Variants in ORC2 observed in about 807,000 individuals in gnomAD.
ORC2 encodes origin recognition complex protein 2 homolog.
Under a neutral mutation model 77.7 loss-of-function variants are expected in ORC2, and 37 were observed. The observed-to-expected ratio is 0.48, with a 90% CI of 0.37 to 0.63. The LOEUF (loss-of-function observed/expected upper bound fraction) is 0.63, where lower values mean the gene tolerates loss of function less well. ORC2 is among the 20% of genes least tolerant of loss of function. ORC2 has a pLI of 0.00. For missense variants in ORC2, 557 were observed against 661.9 expected, an observed-to-expected ratio of 0.84 and a Z score of 1.74; for synonymous variants, 201 against 229.5, an observed-to-expected ratio of 0.88 and a Z score of 1.12.
intron 5 of ORC2, among the ~76,000 whole-genome samples, chr2:200,943,816 T>TA (rs2041198794): frequency 6.6e-6 from 1 of 150,828 alleles, no homozygotes. Context: ...TTTTTTTTTT[T>TA]AATCTTCCCT....
rs559567042 is a variant in ORC2, at chr2:200,920,284, C to A, written c.1404G>T (p.Gln468His). 1.9e-6 allele frequency: 3 copies of A among 1,613,938 alleles called. No homozygotes were observed. The highest frequency in any genetic ancestry group is 3.3e-5 in the Admixed American group (2 of 60,020). The change falls in exon 15 of 18, where the codon CAG becomes CAT. Residue 468 changes from glutamine to histidine, a missense_variant. By Grantham distance (24) the Gln-to-His change is conservative (BLOSUM62 0). Coordinates refer to ENST00000234296, the MANE Select transcript of ORC2 (RefSeq NM_006190.5). The stretch of plus-strand genomic sequence containing the variant: ...GGGAGCTAAGTGGCAGGGATCCAGA[C>A]TGCTTTACCAGAAGAGAGTTCTCAT... ...TSYENSLLVKQSGSLPLSSLT... is the reference protein window; with the variant it reads ...TSYENSLLVKHSGSLPLSSLT...
At chr2:200,914,072 G>T in intron 15 of ORC2, 80 bp from the exon 16 acceptor site, 1 of 851,270 alleles carries the variant, frequency 1.2e-6, no homozygotes, top group Non-Finnish European at 1.8e-6. Context: ...AATACACAAA[G>T]AAAATGTCAA....
chr2:200,913,500 A>C, intron 16 of ORC2, 87 bp from the exon 17 acceptor site: 18 of 1,442,150 alleles, frequency 1.2e-5, no homozygotes, highest in Non-Finnish European at 1.6e-5. Context: ...ACAGAATAAA[A>C]GTGCTATTTG....
In ORC2 at chr2:200,951,209, T is replaced by A. The variant is rs533459202; in HGVS notation, c.239-1566A>T. Among the ~76,000 whole-genome samples the A allele has an allele frequency of 3.3e-5, 5 of 152,332 alleles. No individual in the cohort carries two copies. The South Asian group carries it at 1.0e-3, about 32-fold the overall frequency. Reference sequence around the variant, plus strand: ...TGTTCATGGCTTGATAGCTCTTTTTTATTTAAGTGCTGAATACTCCATGGT... The same window carrying A: ...TGTTCATGGCTTGATAGCTCTTTTTAATTTAAGTGCTGAATACTCCATGGT... On this transcript the variant is annotated intron_variant, in intron 4 of 17. Coordinates refer to ENST00000234296, the MANE Select transcript of ORC2 (RefSeq NM_006190.5).
intron 15 of ORC2, among the ~76,000 whole-genome samples, chr2:200,918,169 G>A (rs535727301): frequency 3.9e-5 from 6 of 152,140 alleles, no homozygotes; most frequent in Admixed American, 1.3e-4. Flanking sequence ...AATATATATC[G>A]TCACACTACT....
rs543998897 is a variant in ORC2 at position 200,909,944 on chromosome 2, G to A, written c.*1357C>T. On this transcript the variant is annotated 3_prime_UTR_variant, in exon 18 of 18. Coordinates refer to ENST00000234296, the MANE Select transcript of ORC2 (RefSeq NM_006190.5). ...GCCCGGATGATTTTTTAAATTTTTT[G>A]TAGAGACAAGGTCTCACTATGTTGC... 6.6e-6 allele frequency: 1 copy of A among 152,042 alleles called. No individual in the cohort carries two copies. The highest frequency in any genetic ancestry group is 2.1e-4 in the South Asian group (1 of 4,820). The allele number at this position is 152,042 out of a possible 1,614,324, so 9.4% of individuals were successfully genotyped here.
At chr2:200,953,415 T>G (rs1423917114) in intron 4 of ORC2, among the ~76,000 whole-genome samples, 2 of 138,518 alleles carry the variant, frequency 1.4e-5, no homozygotes, top group East Asian at 1.9e-4. Context: ...GCTACTGTTT[T>G]TTTTTTTTTT....
intron 15 of ORC2, among the ~76,000 whole-genome samples, chr2:200,914,867 T>C (rs182512572): frequency 6.6e-6 from 1 of 152,098 alleles, no homozygotes; most frequent in Admixed American, 6.6e-5. Context: ...ACACTTGGTG[T>C]TGAGATCATA....
intron 15 of ORC2, 67 bp from the exon 16 acceptor site, chr2:200,914,059 T>TA: frequency 1.0e-6 from 1 of 959,498 alleles, no homozygotes; most frequent in Non-Finnish European, 1.6e-6. Context: ...CAACTAATAG[T>TA]AAAATACACA....
At chr2:200,947,772 G>C (rs2041276495) in intron 5 of ORC2, among the ~76,000 whole-genome samples, 1 of 152,062 alleles carries the variant, frequency 6.6e-6, no homozygotes. Flanking sequence ...GTTTCACTCT[G>C]TCACCCAGGC....
At chr2:200,913,021 G>GA (rs1423560496) in intron 17 of ORC2, among the ~76,000 whole-genome samples, 4 of 152,076 alleles carry the variant, frequency 2.6e-5, no homozygotes, top group South Asian at 2.1e-4. Flanking sequence ...GAGCAAGAGG[G>GA]AAAAAACAAA....
chr2:200,946,997 G>C (rs181264754), intron 5 of ORC2, among the ~76,000 whole-genome samples: 15 of 151,958 alleles, frequency 9.9e-5, no homozygotes, highest in Middle Eastern at 3.4e-3. Context: ...CCACGTTCTG[G>C]GTTCAAGTGA....
chr2:200,919,654 C>T (rs1018889694), intron 15 of ORC2, among the ~76,000 whole-genome samples: 2 of 152,198 alleles, frequency 1.3e-5, no homozygotes, highest in Admixed American at 1.3e-4. Flanking sequence ...CCACTGCGTC[C>T]GGCTAATTAT....
chr2:200,922,966 G>T (rs917421823), intron 13 of ORC2, among the ~76,000 whole-genome samples: 3 of 152,008 alleles, frequency 2.0e-5, no homozygotes, highest in Non-Finnish European at 4.4e-5. Context: ...AAATAATAAG[G>T]TTGAAAGAAC....
intron 3 of ORC2, among the ~76,000 whole-genome samples, chr2:200,957,775 T>C (rs1431345052): frequency 1.3e-5 from 2 of 151,878 alleles, no homozygotes; most frequent in Non-Finnish European, 2.9e-5. Context: ...AATAACCACA[T>C]ATTTTAAATT....
chr2:200,912,484 T>C (rs2040567926), intron 17 of ORC2, among the ~76,000 whole-genome samples: 1 of 152,184 alleles, frequency 6.6e-6, no homozygotes. Flanking sequence ...GGCACGATCA[T>C]GGCTTACTGC....
chr2:200,962,613 T>C (rs2041601261), intron 1 of ORC2, among the ~76,000 whole-genome samples: 1 of 152,220 alleles, frequency 6.6e-6, no homozygotes, highest in South Asian at 2.1e-4. Flanking sequence ...CTTTTTCTTT[T>C]TTAGCTCCTT....
chr2:200,963,407 G>A, intron 1 of ORC2, 83 bp downstream of exon 1: 2 of 398,578 alleles, frequency 5.0e-6, no homozygotes, highest in Non-Finnish European at 8.8e-6. Flanking sequence ...TCCGACGCGG[G>A]GCTGGGTGCA....
intron 8 of ORC2, among the ~76,000 whole-genome samples, chr2:200,936,889 A>G (rs2041056999): frequency 6.6e-6 from 1 of 152,210 alleles, no homozygotes; most frequent in Non-Finnish European, 1.5e-5. Context: ...TAACTTCCAA[A>G]ATATGAGTGA....
Sources: gnomAD v4.1 joint callset for allele counts (sites outside exome capture counted in the v4.1 genomes callset) on GRCh38, gnomAD v4.1.1 for gene constraint, MANE v1.5 for transcripts, NCBI Gene and HGNC (gene_info 2026-07-23, HGNC 2026-07-21) for gene names.